The following PCDHGA5 variants were observed in gnomAD, a reference collection of about 807,000 sequenced individuals.
PCDHGA5 encodes the protein protocadherin gamma subfamily A, 5, also known as protocadherin gamma-A5.
Under a neutral mutation model 56.7 loss-of-function variants are expected in PCDHGA5, and 36 were observed. That is an observed-to-expected ratio of 0.64 (90% CI 0.49 to 0.84). The LOEUF is 0.84. Among genes scored for constraint, PCDHGA5 ranks in the 40% least tolerant of loss-of-function variants. PCDHGA5 has a pLI of 0.00. For missense variants in PCDHGA5, 1,305 were observed against 1,201.5 expected (o/e 1.09, Z -1.27); for synonymous variants, 563 against 520.2 (o/e 1.08, Z -1.12).
intron 1 of PCDHGA5, chr5:141,440,987 A>C (rs2098217413): frequency 6.6e-6 from 1 of 152,278 alleles, no homozygotes; most frequent in African/African-American, 2.4e-5. Flanking sequence ...AACCCAGAGT[A>C]CCCATATCTA....
At chr5:141,405,114 C>T in intron 1 of PCDHGA5, 1 of 1,613,970 alleles carries the variant, frequency 6.2e-7, no homozygotes, top group Non-Finnish European at 8.5e-7. Flanking sequence ...CACTGGCACT[C>T]CTCGCATCTG....
chr5:141,375,053 G>A, intron 1 of PCDHGA5: 1 of 1,614,046 alleles, frequency 6.2e-7, no homozygotes. Context: ...AGCCCGGGAT[G>A]GGCCAGGTCT....
At chr5:141,376,697 T>TTTTTTTTTA (rs60911796) in intron 1 of PCDHGA5, 1 of 652,042 alleles carries the variant, frequency 1.5e-6, no homozygotes, top group African/African-American at 2.1e-5. Context: ...TTTTTTTTTT[T>TTTTTTTTTA]GAGACGGAGT....
At chr5:141,423,940 G>T in intron 1 of PCDHGA5, 1 of 1,217,216 alleles carries the variant, frequency 8.2e-7, no homozygotes, top group Non-Finnish European at 1.0e-6. Context: ...TTTGAAGTAA[G>T]TTGAATTTTA....
In PCDHGA5 at chr5:141,476,445, T is replaced by G. The variant is rs2099391853; in HGVS notation, c.2422-18362T>G. 1 of 1,613,956 alleles carries G rather than the reference T, an allele frequency of 6.2e-7. No individual in the cohort carries two copies. The highest frequency in any genetic ancestry group is 1.7e-5 in the Admixed American group (1 of 60,008). The stretch of plus-strand genomic sequence containing the variant: ...CCCTCTTGCACTGTAACTCTGGAGT[T>G]GGTAGTGGAGAACCCGCTGGAGCTG... On this transcript the variant is annotated intron_variant, in intron 1 of 3. Coordinates refer to ENST00000518069, the MANE Select transcript of PCDHGA5 (RefSeq NM_018918.3). This position sits in a 1 kb window ranked among gnomAD's most constrained non-coding sequence, Gnocchi z 7.6.
chr5:141,486,653 C>G lies in PCDHGA5; in HGVS notation c.2422-8154C>G. On this transcript the variant is annotated intron_variant, in intron 1 of 3. Transcript: ENST00000518069. This position sits in a 1 kb window ranked among gnomAD's most constrained non-coding sequence, Gnocchi z 5.0. ...CTTGAATGCGCTTATCTCCTACTCA[C>G]TCCTGGAGCCCAGGAATCGAGATGT... is the stretch of plus-strand genomic sequence containing the variant. 1 of 1,613,968 alleles carries G rather than the reference C, an allele frequency of 6.2e-7. No individual in the cohort carries two copies. Among genetic ancestry groups the G allele is most frequent in the Non-Finnish European group, 8.5e-7 (1 of 1,180,034 alleles).
rs2099396190 is a variant in PCDHGA5 at position 141,476,685 on chromosome 5, G to A, written c.2422-18122G>A. On this transcript the variant is annotated intron_variant, in intron 1 of 3. Coordinates refer to ENST00000518069, the MANE Select transcript of PCDHGA5 (RefSeq NM_018918.3). This position sits in a 1 kb window ranked among gnomAD's most constrained non-coding sequence, Gnocchi z 7.6. ...CTTCGCGTGCAGACGCGGGAGGACA[G>A]CACCAAGTACGCGGAGCTGGTGTTG... 3.1e-6 allele frequency: 5 copies of A among 1,614,102 alleles called. No homozygotes were observed.
intron 1 of PCDHGA5, chr5:141,388,368 A>G (rs1420676769): frequency 1.2e-6 from 2 of 1,614,026 alleles, no homozygotes; most frequent in Admixed American, 3.3e-5. Context: ...TGATGCGGAT[A>G]TTGGTAGCAA....
intron 2 of PCDHGA5, among the ~76,000 whole-genome samples, chr5:141,496,180 GC>G (rs1054381604): frequency 1.4e-4 from 21 of 151,922 alleles, no homozygotes; most frequent in Non-Finnish European, 2.9e-4. Flanking sequence ...CATCCAAGCA[GC>G]CCCAGCTGCT....
rs746989617 is a variant in PCDHGA5 at position 141,422,853 on chromosome 5, C to G, written c.2421+56102C>G. On this transcript the variant is annotated intron_variant, in intron 1 of 3. Transcript: ENST00000518069. ...TAGCACGTGACAGCGGGGACCCGCC[C>G]CTCAGCAGCAACGTGTCGCTGAGCC... 16 of 1,614,146 alleles carry G rather than the reference C, an allele frequency of 9.9e-6. 1 individual carries two copies. In the South Asian group the frequency reaches 1.6e-4, roughly 17 times the overall value.
Position 141,438,902 on chromosome 5 carries a change from G to A in PCDHGA5, c.2422-55905G>A, listed in dbSNP as rs185216039. 2.0e-5 allele frequency among the ~76,000 whole-genome samples: 3 copies of A among 151,906 alleles called. No homozygotes were observed. The East Asian group carries it at 5.8e-4, about 29-fold the overall frequency. On this transcript the variant is annotated intron_variant, in intron 1 of 3. Coordinates refer to ENST00000518069, the MANE Select transcript of PCDHGA5 (RefSeq NM_018918.3). ...GCTGCTCTTGAACTCCTGACCTCAGGTGATCCACCTGCCTTGGCCTCCCAA... is the reference window on the plus strand; with the variant it reads ...GCTGCTCTTGAACTCCTGACCTCAGATGATCCACCTGCCTTGGCCTCCCAA...
At chr5:141,414,037 T>C (rs769920301) in intron 1 of PCDHGA5, 2 of 1,611,060 alleles carry the variant, frequency 1.2e-6, no homozygotes, top group Admixed American at 1.7e-5. Context: ...ATTCCGAAAA[T>C]TACCTGACAC....
chr5:141,374,436 C>T, intron 1 of PCDHGA5: 3 of 1,613,872 alleles, frequency 1.9e-6, no homozygotes, highest in Non-Finnish European at 2.5e-6. Context: ...AATCTTTATC[C>T]CGTGGAAGTG....
At chr5:141,420,370 T>A in intron 1 of PCDHGA5, 1 of 1,352,032 alleles carries the variant, frequency 7.4e-7, no homozygotes, top group South Asian at 1.8e-5. Flanking sequence ...GATAACTTCT[T>A]CATAGAGTTC....
At chr5:141,374,469 A>G in intron 1 of PCDHGA5, 1 of 1,612,698 alleles carries the variant, frequency 6.2e-7, no homozygotes, top group Non-Finnish European at 8.5e-7. Flanking sequence ...ATTAATGACA[A>G]TACACCCCGA....
intron 1 of PCDHGA5, chr5:141,409,412 C>T (rs1261631725): frequency 1.2e-6 from 2 of 1,614,032 alleles, no homozygotes; most frequent in Non-Finnish European, 1.7e-6. Flanking sequence ...CTACTACAAA[C>T]TGGTGACAGA....
At chr5:141,457,330 A>G (rs2098916985) in intron 1 of PCDHGA5, among the ~76,000 whole-genome samples, 1 of 152,174 alleles carries the variant, frequency 6.6e-6, no homozygotes, top group Non-Finnish European at 1.5e-5. Flanking sequence ...GGTTACAGGT[A>G]CCTTACTTAC....
chr5:141,475,899 T>A, intron 1 of PCDHGA5: 1 of 574,766 alleles, frequency 1.7e-6, no homozygotes. Flanking sequence ...TGTGTGCCGC[T>A]GTCGGCCAAT....
chr5:141,434,838 A>G (rs1363952147), intron 1 of PCDHGA5, among the ~76,000 whole-genome samples: 1 of 152,022 alleles, frequency 6.6e-6, no homozygotes, highest in Non-Finnish European at 1.5e-5. Context: ...GGCATTTATA[A>G]AGCAGACATC....
Sources: allele counts gnomAD v4.1 joint callset (sites outside exome capture counted in the v4.1 genomes callset), GRCh38; gene constraint gnomAD v4.1.1; non-coding constraint Gnocchi (gnomAD v3.1); transcripts MANE v1.5; gene names NCBI Gene and HGNC (gene_info 2026-07-23, HGNC 2026-07-21).